PLB1: variants seen among roughly 807,000 people sequenced by gnomAD.
The protein encoded by PLB1 is phospholipase B1.
In PLB1, 242 loss-of-function variants were observed where a neutral mutation model predicts 227.4. The ratio of observed to expected loss-of-function variants is 1.06; its 90% CI spans 0.96 to 1.18. PLB1 has a LOEUF of 1.18. Among genes scored for constraint, PLB1 ranks in the 50% most tolerant of loss-of-function variants. The pLI is 0.00. For synonymous variants in PLB1, 757 were observed against 682.2 expected (o/e 1.11, Z -1.71); for missense variants, 1,858 against 1,816.3 (o/e 1.02, Z -0.42).
chr2:28,517,327 T>C (rs983177563), intron 2 of PLB1, among the ~76,000 whole-genome samples: 34 of 152,188 alleles, frequency 2.2e-4, no homozygotes, highest in African/African-American at 8.2e-4. Flanking sequence ...TTTTTCCCTA[T>C]TGGAGTATTC....
intron 21 of PLB1, among the ~76,000 whole-genome samples, chr2:28,573,692 G>T (rs1181988832): frequency 6.6e-6 from 1 of 152,170 alleles, no homozygotes; most frequent in Non-Finnish European, 1.5e-5. Context: ...TTTAAACTCT[G>T]CATCCTTCCA....
At chr2:28,611,663 T>C (rs1295582949) in intron 43 of PLB1, among the ~76,000 whole-genome samples, 2 of 152,206 alleles carry the variant, frequency 1.3e-5, no homozygotes, top group Non-Finnish European at 2.9e-5. Flanking sequence ...CATGGGTCAC[T>C]TGTTTATAGC....
intron 54 of PLB1, 88 bp from the exon 55 acceptor site, chr2:28,631,948 C>CA: frequency 9.1e-7 from 1 of 1,103,556 alleles, no homozygotes; most frequent in Non-Finnish European, 1.4e-6. Flanking sequence ...AGTTGACTCC[C>CA]GTCAACAACC....
At position 28,618,418 on chromosome 2, in the gene PLB1, A is replaced by C. The variant is rs1449991753; in HGVS notation, c.3315+19A>C. 6.2e-7 allele frequency: 1 copy of C among 1,612,922 alleles called. No individual in the cohort carries two copies. The highest frequency in any genetic ancestry group is 1.7e-5 in the Admixed American group (1 of 59,998). ...TCTGACTGTGAGTAGTGAGCCATGA[A>C]CCAGGATGGGCAGCTCAGAGTCCAG... On this transcript the variant is annotated intron_variant, in intron 46 of 57. Transcript: ENST00000327757.
At chr2:28,628,524 G>A in intron 51 of PLB1, 39 bp from the exon 52 acceptor site, 2 of 1,590,830 alleles carry the variant, frequency 1.3e-6, no homozygotes, top group Non-Finnish European at 1.7e-6. Context: ...CTCAGAGCGG[G>A]CACCAGGGGC....
intron 57 of PLB1, among the ~76,000 whole-genome samples, chr2:28,641,972 A>G (rs1408649917): frequency 6.6e-6 from 1 of 151,914 alleles, no homozygotes; most frequent in East Asian, 1.9e-4. Context: ...CGGTGGATCC[A>G]TCTCCCAGGA....
At chr2:28,598,812 A>T in intron 35 of PLB1, 52 bp downstream of exon 35, 11 of 1,462,734 alleles carry the variant, frequency 7.5e-6, no homozygotes, top group Non-Finnish European at 1.1e-5. Flanking sequence ...TGGAATGTGG[A>T]TAGTACCCTT....
At chr2:28,580,939 ACTTT>A (rs1221173527) in intron 23 of PLB1, among the ~76,000 whole-genome samples, 1 of 151,986 alleles carries the variant, frequency 6.6e-6, no homozygotes, top group Non-Finnish European at 1.5e-5. Flanking sequence ...CTCACAACCC[ACTTT>A]CTTGGCATCA....
intron 17 of PLB1, among the ~76,000 whole-genome samples, chr2:28,554,144 A>G (rs1674656339): frequency 6.6e-6 from 1 of 152,234 alleles, no homozygotes; most frequent in Non-Finnish European, 1.5e-5. Flanking sequence ...ACATGGTGCC[A>G]ACTCATTCCT....
At chr2:28,511,203 T>C (rs1668220229) in intron 1 of PLB1, among the ~76,000 whole-genome samples, 1 of 152,178 alleles carries the variant, frequency 6.6e-6, no homozygotes, top group African/African-American at 2.4e-5. Context: ...CTCCAAAATA[T>C]ATTATTTTTA....
At chr2:28,632,250 A>G (rs1688736360) in intron 55 of PLB1, 110 bp downstream of exon 55, 7 of 875,674 alleles carry the variant, frequency 8.0e-6, no homozygotes, top group Admixed American at 2.5e-5. Context: ...TCTCTCTCCA[A>G]GAGGATTCCT....
rs144657051 is a variant in PLB1, at chr2:28,632,079, G to C, written c.3941G>C (p.Arg1314Pro). The C allele has an allele frequency of 1.9e-6, 3 of 1,614,148 alleles. No individual in the cohort carries two copies. The highest frequency in any genetic ancestry group is 2.5e-6 in the Non-Finnish European group (3 of 1,180,020). Reference protein sequence around the residue: ...SFSYWHQYTQREDFAVVVQPF... With the variant: ...SFSYWHQYTQPEDFAVVVQPF... ...TCCTACTGGCACCAATACACACAGC[G>C]TGAGGACTTTGCGGTTGTGGTGCAG... The change falls in exon 55 of 58, where the codon CGT becomes CCT. Residue 1314 changes from arginine to proline, a missense_variant. Transcript: ENST00000327757.
intron 21 of PLB1, among the ~76,000 whole-genome samples, chr2:28,577,499 C>A (rs1422249635): frequency 6.6e-6 from 1 of 152,214 alleles, no homozygotes; most frequent in Non-Finnish European, 1.5e-5. Context: ...CCTGAACAAG[C>A]CTGGCTTGGA....
At chr2:28,526,885 C>T (rs1330525756) in intron 6 of PLB1, among the ~76,000 whole-genome samples, 1 of 152,134 alleles carries the variant, frequency 6.6e-6, no homozygotes, top group Non-Finnish European at 1.5e-5. Flanking sequence ...ACTCATGGTC[C>T]AGCAGGGAAG....
At chr2:28,625,785 T>C (rs932093744) in intron 50 of PLB1, among the ~76,000 whole-genome samples, 7 of 152,146 alleles carry the variant, frequency 4.6e-5, no homozygotes, top group African/African-American at 1.7e-4. Flanking sequence ...CCCCTCGGCA[T>C]TTAATGGGCC....
chr2:28,531,551 T>C (rs1367211280), intron 8 of PLB1, among the ~76,000 whole-genome samples: 3 of 152,210 alleles, frequency 2.0e-5, no homozygotes, highest in African/African-American at 7.2e-5. Context: ...CCTCAGGTGA[T>C]CCGCCCAACT....
At chr2:28,599,325 C>A (rs1265705981) in intron 35 of PLB1, among the ~76,000 whole-genome samples, 2 of 152,272 alleles carry the variant, frequency 1.3e-5, no homozygotes, top group African/African-American at 4.8e-5. Flanking sequence ...GAGGCCCCAG[C>A]AGCCTAGGTC....
intron 4 of PLB1, among the ~76,000 whole-genome samples, chr2:28,523,589 T>C (rs1214999620): frequency 6.6e-6 from 1 of 152,150 alleles, no homozygotes; most frequent in East Asian, 1.9e-4. Context: ...TCTCTGTGGC[T>C]GCCCTCTGAG....
At chr2:28,642,470 T>C (rs1338156878) in intron 57 of PLB1, among the ~76,000 whole-genome samples, 1 of 152,140 alleles carries the variant, frequency 6.6e-6, no homozygotes, top group Non-Finnish European at 1.5e-5. Context: ...CATGCTGCCC[T>C]TCCCTGATTT....
Sources: allele counts gnomAD v4.1 joint callset (sites outside exome capture counted in the v4.1 genomes callset), GRCh38; gene constraint gnomAD v4.1.1; transcripts MANE v1.5; gene names NCBI Gene and HGNC (gene_info 2026-07-23, HGNC 2026-07-21).